ZFP14: variants seen among roughly 807,000 people sequenced by gnomAD.
ZFP14 encodes zinc finger protein 14 homolog.
Under a neutral mutation model 54.5 loss-of-function variants are expected in ZFP14, and 22 were observed. The ratio of observed to expected loss-of-function variants is 0.40; its 90% CI spans 0.29 to 0.58. The LOEUF (loss-of-function observed/expected upper bound fraction) is 0.58, where lower values mean the gene tolerates loss of function less well. ZFP14 is among the 20% of genes least tolerant of loss of function. The pLI is 0.39. For missense variants in ZFP14, 470 were observed against 637.8 expected (o/e 0.74, Z 2.83); for synonymous variants, 159 against 204.0 (o/e 0.78, Z 1.88).
intron 1 of ZFP14, among the ~76,000 whole-genome samples, chr19:36,375,342 C>A (rs978647213): frequency 3.3e-5 from 5 of 151,742 alleles, no homozygotes; most frequent in Non-Finnish European, 7.4e-5. Context: ...AGATTGATAT[C>A]TCTTCCCTTC....
chr19:36,345,367 A>C (rs149514612), intron 4 of ZFP14, among the ~76,000 whole-genome samples: 2 of 152,176 alleles, frequency 1.3e-5, no homozygotes, highest in African/African-American at 4.8e-5. Flanking sequence ...TCATGCTAAC[A>C]TTGAAAGGCT....
At chr19:36,377,869 C>A (rs1218839353) in intron 1 of ZFP14, among the ~76,000 whole-genome samples, 1 of 151,922 alleles carries the variant, frequency 6.6e-6, no homozygotes, top group Non-Finnish European at 1.5e-5. Context: ...AAAAACAAAA[C>A]AAAACAAACC....
rs58651628 is a variant in ZFP14, at chr19:36,354,370, C to CAAA, written c.235+6062_235+6064dup. Among the ~76,000 whole-genome samples the CAAA allele has an allele frequency of 5.1e-5, 5 of 98,992 alleles. 1 individual carries two copies. Among genetic ancestry groups the CAAA allele is most frequent in the Admixed American group, 1.1e-4 (1 of 9,072 alleles). The allele number at this position is 98,992 out of a possible 152,430, so 64.9% of individuals were successfully genotyped here. A position where few individuals can be genotyped will look rare whatever the true frequency, so the allele number is the denominator to read the frequency against. On this transcript the variant is annotated intron_variant, in intron 4 of 4. Transcript: ENST00000270001. ...TGGGCGACAGAGAGAGATTCCATCT[C>CAAA]AAAAAAAAAAAAAAAAAGTCAAATG...
At chr19:36,374,802 G>C (rs978727417) in intron 1 of ZFP14, among the ~76,000 whole-genome samples, 1 of 152,044 alleles carries the variant, frequency 6.6e-6, no homozygotes, top group African/African-American at 2.4e-5. Context: ...CCAGCAACAC[G>C]CACCACCACA....
At chr19:36,368,846 T>C (rs982766599) in intron 1 of ZFP14, among the ~76,000 whole-genome samples, 1 of 152,084 alleles carries the variant, frequency 6.6e-6, no homozygotes, top group East Asian at 1.9e-4. Flanking sequence ...TTCTCTTTTA[T>C]TGATTAATTT....
Position 36,347,741 on chromosome 19 carries a change from A to C in ZFP14, c.236-6151T>G, listed in dbSNP as rs902674791. Among the ~76,000 whole-genome samples, 8 of 152,276 alleles carry C rather than the reference A, an allele frequency of 5.3e-5. No homozygotes were observed. The South Asian group carries it at 1.7e-3, about 32-fold the overall frequency. ...TGGCCCAGAACATTTTATAAAGCCT[A>C]ATACTCCAAGTTATCTTTGAGTATA... On this transcript the variant is annotated intron_variant, in intron 4 of 4. Coordinates refer to ENST00000270001, the MANE Select transcript of ZFP14 (RefSeq NM_020917.3).
chr19:36,365,667 C>G (rs576221823), intron 2 of ZFP14, among the ~76,000 whole-genome samples: 2 of 146,508 alleles, frequency 1.4e-5, no homozygotes, highest in East Asian at 4.0e-4. Context: ...TAAAAAAAAG[C>G]ATTGTATTGG....
intron 3 of ZFP14, among the ~76,000 whole-genome samples, chr19:36,360,837 A>G (rs938447034): frequency 4.6e-5 from 7 of 152,180 alleles, no homozygotes; most frequent in African/African-American, 1.7e-4. Context: ...AGGGAAGAAC[A>G]CAGACTGGAT....
chr19:36,376,573 G>C lies in ZFP14; in HGVS notation c.-80+2590C>G, dbSNP rs563386171. 2.6e-5 allele frequency among the ~76,000 whole-genome samples: 4 copies of C among 151,952 alleles called. No individual in the cohort carries two copies. The South Asian group carries it at 8.3e-4, about 32-fold the overall frequency. Reference sequence around the variant, plus strand: ...AAAAAAGAAAAAAAAAAAATTCTTCGCAGCCCTGCTCTTGATAGGCAATCC... The same window carrying C: ...AAAAAAGAAAAAAAAAAAATTCTTCCCAGCCCTGCTCTTGATAGGCAATCC... On this transcript the variant is annotated intron_variant, in intron 1 of 4. Coordinates refer to ENST00000270001, the MANE Select transcript of ZFP14 (RefSeq NM_020917.3).
chr19:36,352,705 GC>G (rs2031547332), intron 4 of ZFP14, among the ~76,000 whole-genome samples: 1 of 142,396 alleles, frequency 7.0e-6, no homozygotes, highest in African/African-American at 2.6e-5. Flanking sequence ...ACTTTGGGAG[GC>G]CGAGGCGGGC....
rs2031305890 is a variant in ZFP14 at position 36,341,173 on chromosome 19, T to C, written c.653A>G (p.His218Arg). Reference sequence around the variant, plus strand: ...TTTCTCACCGGTGTGAAGTTTGTGATGTCGAATAAGATGTGCACGCTGTCT... The same window carrying C: ...TTTCTCACCGGTGTGAAGTTTGTGACGTCGAATAAGATGTGCACGCTGTCT... Reference protein sequence around the residue: ...AFRQRAHLIRHHKLHTGEKPY... With the variant: ...AFRQRAHLIRRHKLHTGEKPY... The change falls in exon 5 of 5, where the codon CAT (histidine) becomes CGT (arginine). Residue 218 changes from histidine to arginine, a missense_variant. His to Arg is a conservative substitution (Grantham distance 29). Coordinates refer to ENST00000270001, the MANE Select transcript of ZFP14 (RefSeq NM_020917.3). The surrounding 1 kb of genome is among the most constrained non-coding windows in gnomAD (Gnocchi z 4.2). 1.9e-6 allele frequency: 3 copies of C among 1,614,080 alleles called. No individual in the cohort carries two copies. Among genetic ancestry groups the C allele is most frequent in the Admixed American group, 1.7e-5 (1 of 59,996 alleles).
intron 4 of ZFP14, among the ~76,000 whole-genome samples, chr19:36,350,866 G>A (rs1184661186): frequency 7.0e-6 from 1 of 142,782 alleles, no homozygotes; most frequent in Non-Finnish European, 1.6e-5. Flanking sequence ...AAAGCCAGAA[G>A]ACAAGGAGGG....
At chr19:36,372,131 G>A (rs916180773) in intron 1 of ZFP14, among the ~76,000 whole-genome samples, 8 of 150,204 alleles carry the variant, frequency 5.3e-5, no homozygotes, top group Non-Finnish European at 1.2e-4. Flanking sequence ...AAGGAAGGAA[G>A]GAAGGAAAAA....
intron 1 of ZFP14, among the ~76,000 whole-genome samples, chr19:36,370,035 A>G (rs887584720): frequency 6.6e-6 from 1 of 152,194 alleles, no homozygotes; most frequent in East Asian, 1.9e-4. Context: ...CTCAGAAGAT[A>G]GCAAAATAGT....
intron 4 of ZFP14, among the ~76,000 whole-genome samples, chr19:36,342,791 A>AAT (rs201711067): frequency 8.4e-6 from 1 of 119,136 alleles, no homozygotes; most frequent in Non-Finnish European, 1.8e-5. Context: ...ATTTTCTTAA[A>AAT]ACGGGTGAAA....
chr19:36,375,539 CA>C (rs1374779773), intron 1 of ZFP14, among the ~76,000 whole-genome samples: 1 of 151,380 alleles, frequency 6.6e-6, no homozygotes, highest in Non-Finnish European at 1.5e-5. Flanking sequence ...AGGCGCATGC[CA>C]CCACACCCAG....
rs58119860 is a variant in ZFP14 at position 36,362,116 on chromosome 19, T to A, written c.132A>T (p.Ser44=). 1,491 of 1,600,250 alleles carry A rather than the reference T, an allele frequency of 9.3e-4. 16 individuals are homozygous for A. The African/African-American group carries it at 0.018, about 19-fold the overall frequency. ...VMWENYSNFI[S]LGPSISKPDV... is the part of the protein sequence containing the mutation. ...ATTTGGGATAAATAACCTTACCTAGTGAAATGAAGTTGCTGTAGTTCTCCC... is the reference window on the plus strand; with the variant it reads ...ATTTGGGATAAATAACCTTACCTAGAGAAATGAAGTTGCTGTAGTTCTCCC... The change falls in exon 3 of 5, where the codon TCA becomes TCT. Residue 44 remains serine, a synonymous_variant. Transcript: ENST00000270001.
intron 4 of ZFP14, among the ~76,000 whole-genome samples, chr19:36,347,375 C>T (rs1376279332): frequency 2.0e-5 from 3 of 152,054 alleles, no homozygotes; most frequent in East Asian, 3.9e-4. Context: ...TTTGGGAGGC[C>T]GAGGAGGGTG....
chr19:36,351,144 T>A lies in ZFP14; in HGVS notation c.235+9291A>T, dbSNP rs183851324. On this transcript the variant is annotated intron_variant, in intron 4 of 4. Transcript: ENST00000270001. ...AATGTGTGGGCAAATGTAAAAAAAATTCACTACTTATTACAATAAGAAATT... is the reference window on the plus strand; with the variant it reads ...AATGTGTGGGCAAATGTAAAAAAAAATCACTACTTATTACAATAAGAAATT... Among the ~76,000 whole-genome samples the A allele has an allele frequency of 3.5e-5, 5 of 143,198 alleles. 1 individual carries two copies. In the East Asian group the frequency reaches 1.0e-3, roughly 30 times the overall value. 93.9% of individuals were successfully genotyped at this position (143,198 alleles called of 152,430 possible). A position where few individuals can be genotyped will look rare whatever the true frequency, so the allele number is the denominator to read the frequency against.
Sources: gnomAD v4.1 joint callset for allele counts (sites outside exome capture counted in the v4.1 genomes callset) on GRCh38, gnomAD v4.1.1 for gene constraint, Gnocchi (gnomAD v3.1) non-coding constraint, MANE v1.5 for transcripts, NCBI Gene and HGNC (gene_info 2026-07-23, HGNC 2026-07-21) for gene names.